The following CRYBA1 variants were observed in gnomAD, a reference collection of about 807,000 sequenced individuals.
The protein encoded by CRYBA1 is beta-crystallin A3.
CRYBA1 carries 25 observed loss-of-function variants against 36.2 expected under a neutral mutation model. The ratio of observed to expected loss-of-function variants is 0.69; its 90% CI spans 0.50 to 0.97. CRYBA1 has a LOEUF of 0.97. CRYBA1 is among the 50% of genes least tolerant of loss of function. CRYBA1 has a pLI of 0.00. For synonymous variants in CRYBA1, 111 were observed against 90.0 expected (o/e 1.23, Z -1.32); for missense variants, 224 against 276.3 (o/e 0.81, Z 1.34).
At chr17:29,248,239 G>A (rs2068913036) in intron 1 of CRYBA1, among the ~76,000 whole-genome samples, 1 of 152,170 alleles carries the variant, frequency 6.6e-6, no homozygotes, top group Non-Finnish European at 1.5e-5. Flanking sequence ...GTCACATGAG[G>A]GGTCTGGCCT....
At chr17:29,252,913 T>A (rs572869676) in intron 4 of CRYBA1, among the ~76,000 whole-genome samples, 35 of 152,360 alleles carry the variant, frequency 2.3e-4, no homozygotes, top group African/African-American at 8.4e-4. Context: ...CCTAAATAGT[T>A]CTAATCCAAA....
At chr17:29,250,118 G>GT in intron 2 of CRYBA1, 64 bp from the exon 3 acceptor site, 1 of 925,906 alleles carries the variant, frequency 1.1e-6, no homozygotes, top group Non-Finnish European at 1.8e-6. Context: ...AAGTTAAGCT[G>GT]TTGACCTGGA....
rs181159987 is a variant in CRYBA1, at chr17:29,252,894, A to G, written c.357+689A>G. On this transcript the variant is annotated intron_variant, in intron 4 of 5. Transcript: ENST00000225387. ...AGTCTTGCCAAAATTCAACTGGTGG[A>G]GAAGTTAACCTAAATAGTTCTAATC... Among the ~76,000 whole-genome samples, 27 of 152,348 alleles carry G rather than the reference A, an allele frequency of 1.8e-4. No individual in the cohort carries two copies. The East Asian group carries it at 4.4e-3, about 25-fold the overall frequency.
chr17:29,253,843 TTA>T (rs2068951378), intron 5 of CRYBA1, 61 bp downstream of exon 5: 2 of 1,584,688 alleles, frequency 1.3e-6, no homozygotes, highest in African/African-American at 1.3e-5. Context: ...GCATCAATAG[TTA>T]TGTTTTAATC....
chr17:29,253,015 GCA>G (rs776493320), intron 4 of CRYBA1, among the ~76,000 whole-genome samples: 7 of 152,166 alleles, frequency 4.6e-5, no homozygotes, highest in African/African-American at 1.7e-4. Flanking sequence ...ACAGTAAAAT[GCA>G]CAGACCCTAA....
chr17:29,253,259 CCAA>C (rs1598425751), intron 4 of CRYBA1, among the ~76,000 whole-genome samples: 1 of 152,174 alleles, frequency 6.6e-6, no homozygotes, highest in Non-Finnish European at 1.5e-5. Context: ...CAGGTTATAT[CCAA>C]CAACACACAT....
At chr17:29,252,603 GACGA>G (rs1391747124) in intron 4 of CRYBA1, among the ~76,000 whole-genome samples, 1 of 149,138 alleles carries the variant, frequency 6.7e-6, no homozygotes, top group Non-Finnish European at 1.5e-5. Context: ...GGGAATGACT[GACGA>G]AATAGGCAAG....
At chr17:29,250,407 C>T in intron 3 of CRYBA1, 107 bp downstream of exon 3, 1 of 783,918 alleles carries the variant, frequency 1.3e-6, no homozygotes, top group South Asian at 1.4e-5. Context: ...AGGCTCTAGT[C>T]ATTTCTCGGA....
At position 29,254,364 on chromosome 17, in the gene CRYBA1, C is replaced by G. The variant is rs1377122028; in HGVS notation, c.*15C>G. Reference sequence around the variant, plus strand: ...TCCAACAGTAGCTGATTAAAAGCTCCAAGTACGATAATTCCTCAAGCATGA... The same window carrying G: ...TCCAACAGTAGCTGATTAAAAGCTCGAAGTACGATAATTCCTCAAGCATGA... On this transcript the variant is annotated 3_prime_UTR_variant, in exon 6 of 6. Coordinates refer to ENST00000225387, the MANE Select transcript of CRYBA1 (RefSeq NM_005208.5). The G allele has an allele frequency of 1.9e-5, 31 of 1,613,732 alleles. No individual in the cohort carries two copies. In the Admixed American group the frequency reaches 5.0e-4, roughly 26 times the overall value.
At position 29,251,748 on chromosome 17, in the gene CRYBA1, G is replaced by C. The variant is rs563892416; in HGVS notation, c.216-316G>C. On this transcript the variant is annotated intron_variant, in intron 3 of 5. Coordinates refer to ENST00000225387, the MANE Select transcript of CRYBA1 (RefSeq NM_005208.5). ...CTTGCCTTGGCCTCCTGAAGCGTTG[G>C]AACTACAGGCGTGAGACACCACACC... 1.0e-3 allele frequency among the ~76,000 whole-genome samples: 159 copies of C among 152,216 alleles called. 1 individual carries two copies. Among genetic ancestry groups the C allele is most frequent in the African/African-American group, 3.7e-3 (154 of 41,522 alleles).
intron 3 of CRYBA1, among the ~76,000 whole-genome samples, chr17:29,250,905 A>C (rs761714000): frequency 6.6e-5 from 10 of 152,138 alleles, no homozygotes; most frequent in Non-Finnish European, 1.2e-4. Flanking sequence ...ATTAGCCTGA[A>C]AATACCTAAG....
Position 29,254,191 on chromosome 17 carries a change from G to A in CRYBA1, c.501-11G>A, listed in dbSNP as rs1472755709. 2 of 1,613,810 alleles carry A rather than the reference G, an allele frequency of 1.2e-6. No homozygotes were observed. Among genetic ancestry groups the A allele is most frequent in the Admixed American group, 1.7e-5 (1 of 59,990 alleles). ...TAGTTTTAATAATGAAATGTACTTT[G>A]AATTTCCTAGCTGGGTTTGCTACCA... On this transcript the variant is annotated splice_polypyrimidine_tract_variant and intron_variant, in intron 5 of 5. Coordinates refer to ENST00000225387, the MANE Select transcript of CRYBA1 (RefSeq NM_005208.5).
chr17:29,250,604 G>A (rs967310470), intron 3 of CRYBA1, among the ~76,000 whole-genome samples: 2 of 152,114 alleles, frequency 1.3e-5, no homozygotes, highest in Non-Finnish European at 2.9e-5. Flanking sequence ...TACCTAGGGT[G>A]CCCTCAGAAC....
At chr17:29,253,579 C>T in intron 4 of CRYBA1, 61 bp from the exon 5 acceptor site, 1 of 1,388,220 alleles carries the variant, frequency 7.2e-7, no homozygotes, top group Non-Finnish European at 1.0e-6. Flanking sequence ...TTTTGAAAAA[C>T]ATGAAGAATG....
intron 4 of CRYBA1, 104 bp downstream of exon 4, chr17:29,252,309 C>T: frequency 6.7e-7 from 1 of 1,485,754 alleles, no homozygotes. Flanking sequence ...CTGAATGTGG[C>T]AGGAAAAAAG....
chr17:29,251,174 T>C (rs2068933293), intron 3 of CRYBA1, among the ~76,000 whole-genome samples: 1 of 152,238 alleles, frequency 6.6e-6, no homozygotes, highest in African/African-American at 2.4e-5. Context: ...TGTTCATCCC[T>C]GTGCTTTCTT....
rs761047403 is a variant in CRYBA1, at chr17:29,250,298, C to T, written c.213C>T (p.Gly71=). ...TCCGGTCCCTGAAGGTGGAAAGTGG[C>T]GCGTGAGTATGGACTTCCGCAGAAC... ...DNVRSLKVES[G]AWIGYEHTSF... is the part of the protein sequence containing the mutation. Residue 71 remains glycine (G), a splice_region_variant and synonymous_variant, in exon 3 of 6, where the codon GGC becomes GGT. Transcript: ENST00000225387. The T allele has an allele frequency of 6.9e-6, 11 of 1,587,210 alleles. No individual in the cohort carries two copies. The highest frequency in any genetic ancestry group is 6.7e-5 in the Admixed American group (4 of 59,970).
rs1380838733 is a variant in CRYBA1, at chr17:29,254,248, T to C, written c.547T>C (p.Leu183=). The change falls in exon 6 of 6, where the codon TTG becomes CTG. Residue 183 remains leucine, a synonymous_variant. Coordinates refer to ENST00000225387, the MANE Select transcript of CRYBA1 (RefSeq NM_005208.5). ...YPGYRGYQYI[L]ECDHHGGDYK... is the part of the protein sequence containing the mutation. ...TGGATATCGTGGGTATCAGTATATC[T>C]TGGAATGTGACCATCATGGAGGAGA... The C allele has an allele frequency of 1.2e-6, 2 of 1,614,090 alleles. No homozygotes were observed. Among genetic ancestry groups the C allele is most frequent in the African/African-American group, 1.3e-5 (1 of 74,940 alleles).
chr17:29,249,352 CGAAG>C, intron 2 of CRYBA1, 146 bp downstream of exon 2: 1 of 628,202 alleles, frequency 1.6e-6, no homozygotes, highest in Non-Finnish European at 2.9e-6. Flanking sequence ...CCAGTGCTGT[CGAAG>C]GAAGGATCTC....
Sources: gnomAD v4.1 joint callset for allele counts (sites outside exome capture counted in the v4.1 genomes callset) on GRCh38, gnomAD v4.1.1 for gene constraint, MANE v1.5 for transcripts, NCBI Gene and HGNC (gene_info 2026-07-23, HGNC 2026-07-21) for gene names.